Variants in MAPKBP1 observed in about 807,000 individuals in gnomAD.
The protein encoded by MAPKBP1 is mitogen-activated protein kinase binding protein 1.
Under a neutral mutation model 170.5 loss-of-function variants are expected in MAPKBP1, and 71 were observed. The observed-to-expected ratio is 0.42, with a 90% confidence interval of 0.34 to 0.51. MAPKBP1 has a LOEUF of 0.51. Ranked by LOEUF, MAPKBP1 falls within the 20% of genes least tolerant of loss-of-function variation. The pLI is 0.06. For missense variants in MAPKBP1, 1,598 were observed against 1,933.0 expected, an observed-to-expected ratio of 0.83 and a Z score of 3.25; for synonymous variants, 719 against 757.9, an observed-to-expected ratio of 0.95 and a Z score of 0.84.
chr15:41,802,227 A>G (rs892840150), intron 3 of MAPKBP1, among the ~76,000 whole-genome samples: 28 of 152,238 alleles, frequency 1.8e-4, no homozygotes, highest in African/African-American at 6.3e-4. Context: ...CAGGACTGGA[A>G]GTTGTTCTGG....
At position 41,812,501 on chromosome 15, in the gene MAPKBP1, T is replaced by C; in HGVS notation, c.499-15T>C. ...AGAGACAGAGCCTTGATTCTTCCTT[T>C]GGCATCCCCTCCAGAAAAACATTGT... On this transcript the variant is annotated splice_polypyrimidine_tract_variant and intron_variant, in intron 6 of 30. Transcript: ENST00000457542. 1 of 1,614,246 alleles carries C rather than the reference T, an allele frequency of 6.2e-7. No homozygotes were observed. Among genetic ancestry groups the C allele is most frequent in the East Asian group, 2.2e-5 (1 of 44,886 alleles).
intron 1 of MAPKBP1, 38 bp from the exon 2 acceptor site, chr15:41,775,129 A>G (rs1215182896): frequency 3.1e-6 from 2 of 638,904 alleles, no homozygotes; most frequent in Admixed American, 5.5e-5. Context: ...GGCAGAAGGT[A>G]AGACACTGTG....
chr15:41,811,139 G>T lies in MAPKBP1; in HGVS notation c.270-39G>T, dbSNP rs768343148. The T allele has an allele frequency of 2.5e-5, 40 of 1,611,204 alleles. No homozygotes were observed. In the African/African-American group the frequency reaches 4.4e-4, roughly 18 times the overall value. ...TGGGAGGGGGCTAGGCTTAGGCCAGGCTGCCAGTGCCCCTCTGAGCCTGCC... is the reference window on the plus strand; with the variant it reads ...TGGGAGGGGGCTAGGCTTAGGCCAGTCTGCCAGTGCCCCTCTGAGCCTGCC... On this transcript the variant is annotated intron_variant, in intron 4 of 30. Transcript: ENST00000457542.
Position 41,823,588 on chromosome 15 carries a change from G to A in MAPKBP1, c.3740G>A (p.Ser1247Asn), listed in dbSNP as rs765891012. The A allele has an allele frequency of 6.8e-6, 11 of 1,614,172 alleles. No individual in the cohort carries two copies. The South Asian group carries it at 1.1e-4, about 16-fold the overall frequency. ...CACTCCTATCAGAACCCCACCACCAGTTCCATGGCCAAGATATCCCGCAGT... is the reference window on the plus strand; with the variant it reads ...CACTCCTATCAGAACCCCACCACCAATTCCATGGCCAAGATATCCCGCAGT... ...RPHSYQNPTT[S>N]SMAKISRSIS... The change falls in exon 29 of 31, where the codon AGT becomes AAT. Residue 1247 changes from serine to asparagine, a missense_variant. Transcript: ENST00000457542.
intron 20 of MAPKBP1, 66 bp from the exon 21 acceptor site, chr15:41,819,180 C>G: frequency 6.3e-7 from 1 of 1,579,570 alleles, no homozygotes; most frequent in Non-Finnish European, 8.7e-7. Flanking sequence ...TCCTTCTTCC[C>G]CCACTGAGCC....
At chr15:41,781,307 C>G (rs987366241) in intron 2 of MAPKBP1, among the ~76,000 whole-genome samples, 1 of 151,990 alleles carries the variant, frequency 6.6e-6, no homozygotes, top group African/African-American at 2.4e-5. Context: ...AACTCCTGAC[C>G]TCAAGTGATC....
intron 2 of MAPKBP1, among the ~76,000 whole-genome samples, chr15:41,798,272 TCTAAA>T (rs1447477850): frequency 1.7e-5 from 2 of 120,864 alleles, no homozygotes; most frequent in Non-Finnish European, 3.5e-5. Flanking sequence ...AAAAAAAAAA[TCTAAA>T]CAGGTTCTCT....
intron 2 of MAPKBP1, among the ~76,000 whole-genome samples, chr15:41,781,837 C>G (rs1015723620): frequency 6.6e-6 from 1 of 152,034 alleles, no homozygotes; most frequent in African/African-American, 2.4e-5. Context: ...TTATTTATCA[C>G]AGTTCTCATC....
chr15:41,817,777 T>G lies in MAPKBP1; in HGVS notation c.1904+42T>G, dbSNP rs2303518. 530,969 of 1,599,072 alleles carry G rather than the reference T, an allele frequency of 0.33. 89,564 individuals carry two copies. Among genetic ancestry groups the G allele is most frequent in the Admixed American group, 0.39 (22,388 of 56,958 alleles). ...CAGACTCTGCCCACATTCCTTCATC[T>G]CCCTACGGGGTCAGCTCTGTGCAGC... On this transcript the variant is annotated intron_variant, in intron 16 of 30. Transcript: ENST00000457542. This position sits in a 1 kb window ranked among gnomAD's most constrained non-coding sequence, Gnocchi z 4.2.
intron 3 of MAPKBP1, among the ~76,000 whole-genome samples, chr15:41,803,642 G>A (rs947656406): frequency 6.6e-6 from 1 of 151,974 alleles, no homozygotes. Flanking sequence ...TTGAGCCCAG[G>A]AGGTGAAGGC....
At chr15:41,804,639 G>A (rs1204702956) in intron 3 of MAPKBP1, among the ~76,000 whole-genome samples, 3 of 152,212 alleles carry the variant, frequency 2.0e-5, no homozygotes, top group African/African-American at 7.2e-5. Flanking sequence ...TGGCCTTTAA[G>A]GGCATGTGCT....
chr15:41,809,929 GC>G (rs1355541918), intron 3 of MAPKBP1, among the ~76,000 whole-genome samples: 1 of 152,212 alleles, frequency 6.6e-6, no homozygotes, highest in African/African-American at 2.4e-5. Context: ...TCAGGGTGGG[GC>G]TTGGGACCTC....
In MAPKBP1 at chr15:41,812,973, A is replaced by T; in HGVS notation, c.691A>T (p.Asn231Tyr). ...GRSGLLGELR[N>Y]NLFTDVACGR... ...CTCAGGGCTGCTGGGAGAGCTACGGAACAACCTATTCACTGATGTGGCCTG... is the reference window on the plus strand; with the variant it reads ...CTCAGGGCTGCTGGGAGAGCTACGGTACAACCTATTCACTGATGTGGCCTG... Residue 231 changes from asparagine (N) to tyrosine (Y), a missense_variant, in exon 8 of 31, where the codon AAC (asparagine) becomes TAC (tyrosine). This residue lies in a region of MAPKBP1 where 430 missense variants were observed against 617.2 expected (regional missense o/e 0.70). Transcript: ENST00000457542. 1 of 1,613,674 alleles carries T rather than the reference A, an allele frequency of 6.2e-7. No homozygotes were observed. Among genetic ancestry groups the T allele is most frequent in the Non-Finnish European group, 8.5e-7 (1 of 1,179,774 alleles).
chr15:41,803,345 C>T (rs1479651230), intron 3 of MAPKBP1, among the ~76,000 whole-genome samples: 5 of 138,540 alleles, frequency 3.6e-5, no homozygotes, highest in Non-Finnish European at 6.1e-5. Flanking sequence ...ACCTGGGAGA[C>T]GGTGGTTGCA....
chr15:41,791,794 C>G (rs1336803716), intron 2 of MAPKBP1, among the ~76,000 whole-genome samples: 2 of 152,174 alleles, frequency 1.3e-5, no homozygotes, highest in Non-Finnish European at 2.9e-5. Context: ...CTCTTTCTCA[C>G]TGCCTGTACC....
chr15:41,823,220 AG>A lies in MAPKBP1; in HGVS notation c.3598+1del. The A allele has an allele frequency of 6.2e-7, 1 of 1,612,620 alleles. No homozygotes were observed. The highest frequency in any genetic ancestry group is 8.5e-7 in the Non-Finnish European group (1 of 1,179,348). ...KAQSVHSLVP[Q>X]ERHEASLQAP... The stretch of plus-strand genomic sequence containing the variant: ...CAGTCTGTGCACAGTCTGGTGCCAC[AG>A]GGTGAGAAGCCTGATGGGTTCAGTG... On this transcript the variant is annotated frameshift_variant and splice_region_variant, in exon 28 of 31. Coordinates refer to ENST00000457542, the MANE Select transcript of MAPKBP1 (RefSeq NM_014994.3). LOFTEE classifies it high-confidence loss of function.
intron 3 of MAPKBP1, among the ~76,000 whole-genome samples, chr15:41,809,105 A>C (rs934109776): frequency 3.4e-5 from 5 of 145,870 alleles, no homozygotes; most frequent in Non-Finnish European, 7.5e-5. Context: ...GGAAGGGCTG[A>C]GCCAGGGTGG....
Position 41,811,899 on chromosome 15 carries a change from G to A in MAPKBP1, c.328-58G>A, listed in dbSNP as rs111903083. The A allele has an allele frequency of 8.9e-4, 1,415 of 1,582,396 alleles. 16 individuals are homozygous for A. In the African/African-American group the frequency reaches 0.016, roughly 17 times the overall value. Reference sequence around the variant, plus strand: ...AGGGCCCCGCTCTGGAAGACGAAGTGGGGCTGTATGCCTGTGGAGAAGTCA... The same window carrying A: ...AGGGCCCCGCTCTGGAAGACGAAGTAGGGCTGTATGCCTGTGGAGAAGTCA... On this transcript the variant is annotated intron_variant, in intron 5 of 30. Coordinates refer to ENST00000457542, the MANE Select transcript of MAPKBP1 (RefSeq NM_014994.3).
At position 41,822,010 on chromosome 15, in the gene MAPKBP1, G is replaced by A. The variant is rs781543230; in HGVS notation, c.2931G>A (p.Val977=). 5.6e-6 allele frequency: 9 copies of A among 1,610,586 alleles called. No homozygotes were observed. The highest frequency in any genetic ancestry group is 6.8e-6 in the Non-Finnish European group (8 of 1,178,406). Residue 977 remains valine, a synonymous_variant, in exon 25 of 31, where the codon GTG becomes GTA. Coordinates refer to ENST00000457542, the MANE Select transcript of MAPKBP1 (RefSeq NM_014994.3). The part of the protein sequence containing the change: ...QAPARGTLGR[V]YPGSRSSEKH... ...CAGCCCGGGGAACTCTGGGAAGAGT[G>A]TACCCAGGCAGCAGGAGCTCAGAAA...
Sources: gnomAD v4.1 joint callset for allele counts (sites outside exome capture counted in the v4.1 genomes callset) on GRCh38, gnomAD v4.1.1 for gene constraint, gnomAD v4.1.1 regional missense constraint, Gnocchi (gnomAD v3.1) non-coding constraint, MANE v1.5 for transcripts, NCBI Gene and HGNC (gene_info 2026-07-23, HGNC 2026-07-21) for gene names.